Variants in SLC35F1 observed in about 807,000 individuals in gnomAD.
SLC35F1 encodes solute carrier family 35 member F1.
In SLC35F1, 14 loss-of-function variants were observed where a neutral mutation model predicts 48.7. That is an observed-to-expected ratio of 0.29 (90% CI 0.19 to 0.45). SLC35F1 has a LOEUF of 0.45. SLC35F1 is among the 20% of genes least tolerant of loss of function. SLC35F1 has a pLI of 1.00. For synonymous variants in SLC35F1, 190 were observed against 202.2 expected (o/e 0.94, Z 0.51); for missense variants, 404 against 500.0 (o/e 0.81, Z 1.83).
intron 1 of SLC35F1, among the ~76,000 whole-genome samples, chr6:118,107,656 G>T (rs1389885800): frequency 6.6e-6 from 1 of 152,020 alleles, no homozygotes; most frequent in Non-Finnish European, 1.5e-5. Flanking sequence ...AATAAAAAAG[G>T]CTATCAAAAT....
chr6:118,160,990 C>T (rs971345701), intron 2 of SLC35F1, among the ~76,000 whole-genome samples: 3 of 150,720 alleles, frequency 2.0e-5, no homozygotes, highest in African/African-American at 7.3e-5. Flanking sequence ...ATAAAGGCTT[C>T]GTATTTGTTC....
In SLC35F1 at chr6:118,047,739, G is replaced by A. The variant is rs139937268; in HGVS notation, c.174-106706G>A. Among the ~76,000 whole-genome samples the A allele has an allele frequency of 1.6e-3, 242 of 152,236 alleles. 1 individual carries two copies. Among genetic ancestry groups the A allele is most frequent in the African/African-American group, 5.6e-3 (233 of 41,558 alleles). On this transcript the variant is annotated intron_variant, in intron 1 of 7. Coordinates refer to ENST00000360388, the MANE Select transcript of SLC35F1 (RefSeq NM_001029858.4). The stretch of plus-strand genomic sequence containing the variant: ...GGAAATAATAGCAATACACAAGATG[G>A]TAACTGTCCTCAAGGAATTTACTAC...
intron 2 of SLC35F1, among the ~76,000 whole-genome samples, chr6:118,186,674 G>A (rs1399338420): frequency 6.6e-6 from 1 of 152,186 alleles, no homozygotes; most frequent in Non-Finnish European, 1.5e-5. Context: ...TGACTGAGCT[G>A]CTTTTATTTG....
At chr6:118,057,673 G>A (rs759017799) in intron 1 of SLC35F1, among the ~76,000 whole-genome samples, 3 of 152,096 alleles carry the variant, frequency 2.0e-5, no homozygotes, top group African/African-American at 2.4e-5. Context: ...GTAAAATACT[G>A]GACAAATCCT....
intron 3 of SLC35F1, among the ~76,000 whole-genome samples, chr6:118,261,245 C>T (rs778710839): frequency 4.6e-5 from 7 of 152,208 alleles, no homozygotes; most frequent in Non-Finnish European, 1.0e-4. Context: ...CAATATCATA[C>T]TTGGCCTTGG....
At chr6:118,290,521 A>T (rs1301070554) in intron 7 of SLC35F1, among the ~76,000 whole-genome samples, 2 of 152,148 alleles carry the variant, frequency 1.3e-5, no homozygotes, top group Admixed American at 6.5e-5. Flanking sequence ...CTGCAAAAAA[A>T]AAAAGCAAAA....
chr6:117,907,858 C>A lies in SLC35F1; in HGVS notation c.132C>A (p.Ser44=). ...SGGGGSLSAS[S]RAGVRQRIRK... ...GCGGCGGGAGCCTGTCCGCCTCCTC[C>A]CGGGCTGGCGTGCGCCAGAGGATCC... Residue 44 remains serine (S), a synonymous_variant, in exon 1 of 8, where the codon TCC becomes TCA. Coordinates refer to ENST00000360388, the MANE Select transcript of SLC35F1 (RefSeq NM_001029858.4). 1 of 1,529,030 alleles carries A rather than the reference C, an allele frequency of 6.5e-7. No homozygotes were observed. The allele number at this position is 1,529,030 out of a possible 1,614,324, so 94.7% of individuals were successfully genotyped here.
intron 3 of SLC35F1, among the ~76,000 whole-genome samples, chr6:118,261,197 A>C (rs1562342855): frequency 6.6e-6 from 1 of 152,240 alleles, no homozygotes; most frequent in Non-Finnish European, 1.5e-5. Flanking sequence ...CACGAAGCCC[A>C]ACAGCCTCAC....
chr6:118,069,278 T>C (rs1363956110), intron 1 of SLC35F1, among the ~76,000 whole-genome samples: 1 of 152,220 alleles, frequency 6.6e-6, no homozygotes, highest in African/African-American at 2.4e-5. Flanking sequence ...AAGGTAACAC[T>C]AAATTTTTAT....
intron 1 of SLC35F1, among the ~76,000 whole-genome samples, chr6:118,149,595 GAA>G (rs36077212): frequency 6.6e-6 from 1 of 152,150 alleles, no homozygotes; most frequent in African/African-American, 2.4e-5. Context: ...CCTGCAGTAG[GAA>G]AAAGACTCAT....
At chr6:118,179,199 G>C (rs1017368630) in intron 2 of SLC35F1, among the ~76,000 whole-genome samples, 1 of 152,056 alleles carries the variant, frequency 6.6e-6, no homozygotes, top group Admixed American at 6.6e-5. Flanking sequence ...TATATAAAAT[G>C]AGAAATTGGC....
intron 1 of SLC35F1, among the ~76,000 whole-genome samples, chr6:117,986,641 A>G (rs1776851790): frequency 6.6e-6 from 1 of 152,046 alleles, no homozygotes; most frequent in Admixed American, 6.6e-5. Context: ...GGCTGACCCC[A>G]ATGCTGTGTC....
intron 2 of SLC35F1, among the ~76,000 whole-genome samples, chr6:118,189,213 A>G (rs532054068): frequency 2.0e-5 from 3 of 152,254 alleles, no homozygotes; most frequent in African/African-American, 7.2e-5. Flanking sequence ...GCCCAGTCCA[A>G]CTTACATTCT....
At chr6:118,272,752 T>TATATATATATATGTATATATATATAC (rs1775871479) in intron 4 of SLC35F1, among the ~76,000 whole-genome samples, 1 of 117,578 alleles carries the variant, frequency 8.5e-6, no homozygotes, top group South Asian at 2.6e-4. Flanking sequence ...TATATATACA[T>TATATATATATATGTATATATATATAC]ATATATATAT....
rs1776452258 is a variant in SLC35F1, at chr6:118,317,447, AGTACAGATTTTACCCCATG to A, written c.*3197_*3215del. 1.3e-5 allele frequency: 2 copies of A among 152,136 alleles called. No individual in the cohort carries two copies. The highest frequency in any genetic ancestry group is 2.9e-5 in the Non-Finnish European group (2 of 68,048). 9.4% of individuals were successfully genotyped at this position (152,136 alleles called of 1,614,324 possible). A position where few individuals can be genotyped will look rare whatever the true frequency, so the allele number is the denominator to read the frequency against. Reference sequence around the variant, plus strand: ...ATTTAGTAGTCCCCAGCTAGCTACCAGTACAGATTTTACCCCATGGGTAGGATTCTATTGTTAAGCCACA... The same window carrying A: ...ATTTAGTAGTCCCCAGCTAGCTACCAGGTAGGATTCTATTGTTAAGCCACA... On this transcript the variant is annotated 3_prime_UTR_variant, in exon 8 of 8. Coordinates refer to ENST00000360388, the MANE Select transcript of SLC35F1 (RefSeq NM_001029858.4).
Position 118,251,773 on chromosome 6 carries a change from G to C in SLC35F1, c.478-15222G>C, listed in dbSNP as rs190036584. Reference sequence around the variant, plus strand: ...AAAAGAAAGAAGGATCAATTCATGTGTATTTGTTCAGGGCTCAGCAAATTT... The same window carrying C: ...AAAAGAAAGAAGGATCAATTCATGTCTATTTGTTCAGGGCTCAGCAAATTT... On this transcript the variant is annotated intron_variant, in intron 3 of 7. Coordinates refer to ENST00000360388, the MANE Select transcript of SLC35F1 (RefSeq NM_001029858.4). Among the ~76,000 whole-genome samples the C allele has an allele frequency of 1.0e-3, 156 of 152,196 alleles. 1 individual carries two copies. The highest frequency in any genetic ancestry group is 3.6e-3 in the African/African-American group (149 of 41,514).
chr6:117,969,122 A>C (rs1776607458), intron 1 of SLC35F1, among the ~76,000 whole-genome samples: 1 of 152,234 alleles, frequency 6.6e-6, no homozygotes, highest in Non-Finnish European at 1.5e-5. Flanking sequence ...AGCTCACAGA[A>C]ACAAACTGAG....
Position 118,285,442 on chromosome 6 carries a change from T to C in SLC35F1, c.1002+104T>C, listed in dbSNP as rs1582770189. On this transcript the variant is annotated intron_variant, in intron 7 of 7. Transcript: ENST00000360388. ...AAATGCCCTGATTTTGTGTAGGGAA[T>C]AGTAATGTAACTGGGTGTGCTAACC... 1.5e-5 allele frequency: 20 copies of C among 1,321,566 alleles called. No homozygotes were observed. In the East Asian group the frequency reaches 3.9e-4, roughly 26 times the overall value. The allele number at this position is 1,321,566 out of a possible 1,614,324, so 81.9% of individuals were successfully genotyped here.
In SLC35F1 at chr6:118,015,030, G is replaced by A. The variant is rs371855417; in HGVS notation, c.173+107131G>A. Reference sequence around the variant, plus strand: ...GTTCCCCCATACTGTTCTCATGGTCGTGAATAAGTCTCATGACATCTCATG... The same window carrying A: ...GTTCCCCCATACTGTTCTCATGGTCATGAATAAGTCTCATGACATCTCATG... On this transcript the variant is annotated intron_variant, in intron 1 of 7. Coordinates refer to ENST00000360388, the MANE Select transcript of SLC35F1 (RefSeq NM_001029858.4). 1.8e-4 allele frequency among the ~76,000 whole-genome samples: 27 copies of A among 152,274 alleles called. 1 individual carries two copies. The highest frequency in any genetic ancestry group is 9.7e-4 in the East Asian group (5 of 5,172).
Sources: allele counts gnomAD v4.1 joint callset (sites outside exome capture counted in the v4.1 genomes callset), GRCh38; gene constraint gnomAD v4.1.1; transcripts MANE v1.5; gene names NCBI Gene and HGNC (gene_info 2026-07-23, HGNC 2026-07-21).